The following EXTL1 variants were observed in gnomAD, a reference collection of about 807,000 sequenced individuals.
EXTL1 encodes the protein exostosin-like 1.
EXTL1 carries 43 observed loss-of-function variants against 64.6 expected under a neutral mutation model. The observed-to-expected ratio is 0.67, with a 90% CI of 0.52 to 0.86. EXTL1 has a LOEUF of 0.86. Among genes scored for constraint, EXTL1 ranks in the 40% least tolerant of loss-of-function variants. EXTL1 has a pLI of 0.00. For missense variants in EXTL1, 766 were observed against 879.0 expected (o/e 0.87, Z 1.62); for synonymous variants, 352 against 360.5 (o/e 0.98, Z 0.27).
chr1:26,032,289 A>T (rs556797611), intron 6 of EXTL1, 107 bp from the exon 7 acceptor site: 3 of 715,608 alleles, frequency 4.2e-6, no homozygotes, highest in Non-Finnish European at 7.4e-6. Context: ...CAGTTTACAA[A>T]GCTGACTTCT....
At chr1:26,030,699 T>G in intron 4 of EXTL1, 104 bp downstream of exon 4, 1 of 1,271,508 alleles carries the variant, frequency 7.9e-7, no homozygotes, top group Non-Finnish European at 1.1e-6. Context: ...CCCCCCCCCT[T>G]CCTTGAAGAT....
In EXTL1 at chr1:26,035,511, C is replaced by T; in HGVS notation, c.*164C>T. 1.8e-6 allele frequency: 1 copy of T among 542,224 alleles called. No homozygotes were observed. The allele number at this position is 542,224 out of a possible 1,614,324, so 33.6% of individuals were successfully genotyped here. A position where few individuals can be genotyped will look rare whatever the true frequency, so the allele number is the denominator to read the frequency against. On this transcript the variant is annotated 3_prime_UTR_variant, in exon 11 of 11. Coordinates refer to ENST00000374280, the MANE Select transcript of EXTL1 (RefSeq NM_004455.3). The surrounding 1 kb of genome is among the most constrained non-coding windows in gnomAD (Gnocchi z 5.3). ...GCCAATCACAACAGGGGGGCGTGGC[C>T]TTACCTTCTCCTGCTCGCCCTCAGC...
chr1:26,022,656 TGGA>T lies in EXTL1; in HGVS notation c.15_17del (p.Arg7del), dbSNP rs766484032. The T allele has an allele frequency of 2.9e-5, 47 of 1,596,418 alleles. No homozygotes were observed. The African/African-American group carries it at 5.8e-4, about 20-fold the overall frequency. On this transcript the variant is annotated inframe_deletion, in exon 1 of 11. Transcript: ENST00000374280. Reference sequence around the variant, plus strand: ...GACTGTGGGTGGCCACATGCAGTCGTGGAGGAGAAGAAAGTCCCTGTGGCTGGC... The same window carrying T: ...GACTGTGGGTGGCCACATGCAGTCGTGGAGAAGAAAGTCCCTGTGGCTGGC...
At position 26,033,107 on chromosome 1, in the gene EXTL1, G is replaced by A. The variant is rs1021600481; in HGVS notation, c.1432-122G>A. 4 of 717,546 alleles carry A rather than the reference G, an allele frequency of 5.6e-6. No individual in the cohort carries two copies. Among genetic ancestry groups the A allele is most frequent in the Non-Finnish European group, 2.5e-6 (1 of 400,774 alleles). 44.4% of individuals were successfully genotyped at this position (717,546 alleles called of 1,614,324 possible). On this transcript the variant is annotated intron_variant, in intron 7 of 10. Coordinates refer to ENST00000374280, the MANE Select transcript of EXTL1 (RefSeq NM_004455.3). The surrounding 1 kb of genome is among the most constrained non-coding windows in gnomAD (Gnocchi z 5.1). ...TTTGAGGCCCAGGCGTCTACACTGT[G>A]CCTGAAGGGAGGCTTTATTCATGGC...
At chr1:26,029,356 G>A (rs1314754071) in intron 2 of EXTL1, 70 bp downstream of exon 2, 4 of 1,298,342 alleles carry the variant, frequency 3.1e-6, no homozygotes, top group Non-Finnish European at 4.5e-6. Context: ...GGTACTCTGG[G>A]TCCAGGCCAA....
Position 26,035,403 on chromosome 1 carries a change from G to T in EXTL1, c.*56G>T, listed in dbSNP as rs934564861. 8.8e-6 allele frequency: 13 copies of T among 1,480,990 alleles called. No individual in the cohort carries two copies. In the African/African-American group the frequency reaches 1.8e-4, roughly 21 times the overall value. 91.7% of individuals were successfully genotyped at this position (1,480,990 alleles called of 1,614,324 possible). Reference sequence around the variant, plus strand: ...TCGCAGCCCAGCTCCCAGGGGGCCCGGCGCCTGCCGGCGGGCTCCGCTCTT... The same window carrying T: ...TCGCAGCCCAGCTCCCAGGGGGCCCTGCGCCTGCCGGCGGGCTCCGCTCTT... On this transcript the variant is annotated 3_prime_UTR_variant, in exon 11 of 11. Transcript: ENST00000374280. This position sits in a 1 kb window ranked among gnomAD's most constrained non-coding sequence, Gnocchi z 5.3.
In EXTL1 at chr1:26,030,688, C is replaced by CG. The variant is rs35238823; in HGVS notation, c.1101+93_1101+94insG. 23 of 638,136 alleles carry CG rather than the reference C, an allele frequency of 3.6e-5. No individual in the cohort carries two copies. The Admixed American group carries it at 6.2e-4, about 17-fold the overall frequency. The allele number at this position is 638,136 out of a possible 1,614,324, so 39.5% of individuals were successfully genotyped here. A position where few individuals can be genotyped will look rare whatever the true frequency, so the allele number is the denominator to read the frequency against. On this transcript the variant is annotated intron_variant, in intron 4 of 10. Transcript: ENST00000374280. ...CTTCTCTGCCACAGTGTTTGGGGAA[C>CG]CCCCCCCCCTTCCTTGAAGATGGTC...
At position 26,035,907 on chromosome 1, in the gene EXTL1, C is replaced by A. The variant is rs931533924; in HGVS notation, c.*560C>A. 2 of 152,454 alleles carry A rather than the reference C, an allele frequency of 1.3e-5. No homozygotes were observed. The highest frequency in any genetic ancestry group is 4.8e-5 in the African/African-American group (2 of 41,464). 9.4% of individuals were successfully genotyped at this position (152,454 alleles called of 1,614,324 possible). ...AGGGTGAGCGGAGAGACAGAACTGT[C>A]CCCGCCCCACCCCGCCACCCATTCC... is the stretch of plus-strand genomic sequence containing the variant. On this transcript the variant is annotated 3_prime_UTR_variant, in exon 11 of 11. Transcript: ENST00000374280. This position sits in a 1 kb window ranked among gnomAD's most constrained non-coding sequence, Gnocchi z 5.3.
Position 26,035,436 on chromosome 1 carries a change from C to T in EXTL1, c.*89C>T, listed in dbSNP as rs142622475. The T allele has an allele frequency of 6.2e-4, 766 of 1,235,514 alleles. 4 individuals carry two copies. In the African/African-American group the frequency reaches 0.01, roughly 16 times the overall value. 76.5% of individuals were successfully genotyped at this position (1,235,514 alleles called of 1,614,324 possible). The stretch of plus-strand genomic sequence containing the variant: ...CCGGCGGGCTCCGCTCTTGGGACAC[C>T]GGAGAACCTATCATGTCAGCCAGCG... On this transcript the variant is annotated 3_prime_UTR_variant, in exon 11 of 11. Coordinates refer to ENST00000374280, the MANE Select transcript of EXTL1 (RefSeq NM_004455.3). This position sits in a 1 kb window ranked among gnomAD's most constrained non-coding sequence, Gnocchi z 5.3.
In EXTL1 at chr1:26,033,421, C is replaced by T. The variant is rs944299414; in HGVS notation, c.1518+106C>T. The T allele has an allele frequency of 2.1e-5, 21 of 987,236 alleles. No individual in the cohort carries two copies. The East Asian group carries it at 5.1e-4, about 24-fold the overall frequency. 61.2% of individuals were successfully genotyped at this position (987,236 alleles called of 1,614,324 possible). A position where few individuals can be genotyped will look rare whatever the true frequency, so the allele number is the denominator to read the frequency against. ...TTGAGGGGACCCCAGGTCATGAGGT[C>T]CAGCCTCTTGCATTTGAAACCACCC... On this transcript the variant is annotated intron_variant, in intron 8 of 10. Transcript: ENST00000374280. The surrounding 1 kb of genome is among the most constrained non-coding windows in gnomAD (Gnocchi z 5.1).
In EXTL1 at chr1:26,025,019, T is replaced by G. The variant is rs1030874260; in HGVS notation, c.779+1594T>G. Among the ~76,000 whole-genome samples, 5 of 152,240 alleles carry G rather than the reference T, an allele frequency of 3.3e-5. No homozygotes were observed. The East Asian group carries it at 9.7e-4, about 29-fold the overall frequency. On this transcript the variant is annotated intron_variant, in intron 1 of 10. Coordinates refer to ENST00000374280, the MANE Select transcript of EXTL1 (RefSeq NM_004455.3). The surrounding 1 kb of genome is among the most constrained non-coding windows in gnomAD (Gnocchi z 5.3). ...AGCGTGGGTCACCCTCTGAGTAGCATTTTTGATAAGTTTTATTTCCCAGGG... is the reference window on the plus strand; with the variant it reads ...AGCGTGGGTCACCCTCTGAGTAGCAGTTTTGATAAGTTTTATTTCCCAGGG...
rs755227262 is a variant in EXTL1, at chr1:26,033,904, G to A, written c.1679+48G>A. 18 of 1,551,328 alleles carry A rather than the reference G, an allele frequency of 1.2e-5. No homozygotes were observed. The East Asian group carries it at 3.0e-4, about 26-fold the overall frequency. The stretch of plus-strand genomic sequence containing the variant: ...GGGATCAGAGTATCAGAGGACCAGA[G>A]ACCCCACCCCCACCCCGAACGGAGC... On this transcript the variant is annotated intron_variant, in intron 9 of 10. Coordinates refer to ENST00000374280, the MANE Select transcript of EXTL1 (RefSeq NM_004455.3). The surrounding 1 kb of genome is among the most constrained non-coding windows in gnomAD (Gnocchi z 5.1).
At chr1:26,030,695 C>T (rs150126690) in intron 4 of EXTL1, 100 bp downstream of exon 4, 38 of 1,355,202 alleles carry the variant, frequency 2.8e-5, no homozygotes, top group African/African-American at 8.7e-5. Flanking sequence ...GAACCCCCCC[C>T]CCTTCCTTGA....
At position 26,031,454 on chromosome 1, in the gene EXTL1, C is replaced by T. The variant is rs574669510; in HGVS notation, c.1235-6C>T. On this transcript the variant is annotated splice_region_variant and splice_polypyrimidine_tract_variant and intron_variant, in intron 5 of 10. Coordinates refer to ENST00000374280, the MANE Select transcript of EXTL1 (RefSeq NM_004455.3). ...CACTCTAATAGCCTGTGTCTCATTC[C>T]CCCAGGCTCCCGCCCTGAGGGCAGA... 3 of 1,525,118 alleles carry T rather than the reference C, an allele frequency of 2.0e-6. No homozygotes were observed. The highest frequency in any genetic ancestry group is 2.7e-6 in the Non-Finnish European group (3 of 1,121,076). The allele number at this position is 1,525,118 out of a possible 1,614,324, so 94.5% of individuals were successfully genotyped here. A position where few individuals can be genotyped will look rare whatever the true frequency, so the allele number is the denominator to read the frequency against.
intron 1 of EXTL1, among the ~76,000 whole-genome samples, chr1:26,028,779 C>T (rs971654781): frequency 2.6e-5 from 4 of 152,200 alleles, no homozygotes; most frequent in African/African-American, 9.7e-5. Context: ...TCAGAGGCCA[C>T]GCAGGCAAGG....
intron 4 of EXTL1, 33 bp from the exon 5 acceptor site, chr1:26,031,099 C>T: frequency 6.2e-7 from 1 of 1,613,802 alleles, no homozygotes. Context: ...TCACACAGGC[C>T]ACTCGCTCTG....
At chr1:26,032,844 C>T (rs896188000) in intron 7 of EXTL1, among the ~76,000 whole-genome samples, 4 of 152,234 alleles carry the variant, frequency 2.6e-5, no homozygotes, top group South Asian at 2.1e-4. Flanking sequence ...ACCTGCCTGC[C>T]GCATGGTTGT....
intron 4 of EXTL1, 93 bp downstream of exon 4, chr1:26,030,688 C>A (rs2050273504): frequency 1.6e-6 from 1 of 638,200 alleles, no homozygotes; most frequent in East Asian, 6.2e-5. Flanking sequence ...GTTTGGGGAA[C>A]CCCCCCCCCT....
In EXTL1 at chr1:26,033,910, AC is replaced by A; in HGVS notation, c.1679+59del. On this transcript the variant is annotated intron_variant, in intron 9 of 10. Coordinates refer to ENST00000374280, the MANE Select transcript of EXTL1 (RefSeq NM_004455.3). The surrounding 1 kb of genome is among the most constrained non-coding windows in gnomAD (Gnocchi z 5.1). ...AGAGTATCAGAGGACCAGAGACCCC[AC>A]CCCCACCCCGAACGGAGCAGAGTGG... 2 of 1,490,676 alleles carry A rather than the reference AC, an allele frequency of 1.3e-6. No homozygotes were observed. Among genetic ancestry groups the A allele is most frequent in the African/African-American group, 1.5e-5 (1 of 67,594 alleles). The allele number at this position is 1,490,676 out of a possible 1,614,324, so 92.3% of individuals were successfully genotyped here.
Sources: allele counts gnomAD v4.1 joint callset (sites outside exome capture counted in the v4.1 genomes callset), GRCh38; gene constraint gnomAD v4.1.1; non-coding constraint Gnocchi (gnomAD v3.1); transcripts MANE v1.5; gene names NCBI Gene and HGNC (gene_info 2026-07-23, HGNC 2026-07-21).